KCNN2: variants seen among roughly 807,000 people sequenced by gnomAD.
KCNN2 encodes potassium calcium-activated channel subfamily N member 2, also known as small conductance calcium-activated potassium channel protein 2.
KCNN2 carries 24 observed loss-of-function variants against 55.5 expected under a neutral mutation model. The observed-to-expected ratio is 0.43, with a 90% confidence interval of 0.31 to 0.61. The LOEUF (loss-of-function observed/expected upper bound fraction) is 0.61. KCNN2 is among the 20% of genes least tolerant of loss of function. The pLI is 0.08. For synonymous variants in KCNN2, 431 were observed against 336.1 expected (o/e 1.28, Z -3.09); for missense variants, 754 against 853.6 (o/e 0.88, Z 1.45).
At chr5:114,352,203 A>G (rs1580740363) in intron 2 of KCNN2, among the ~76,000 whole-genome samples, 1 of 151,612 alleles carries the variant, frequency 6.6e-6, no homozygotes, top group Non-Finnish European at 1.5e-5. Context: ...ATTTGTTGGC[A>G]TATACTTGTT....
intron 2 of KCNN2, among the ~76,000 whole-genome samples, chr5:114,333,245 C>T (rs1580728014): frequency 6.6e-6 from 1 of 152,160 alleles, no homozygotes; most frequent in East Asian, 1.9e-4. Flanking sequence ...AAACCTGCCA[C>T]CAAATGAAAA....
intron 1 of KCNN2, among the ~76,000 whole-genome samples, chr5:114,206,249 T>A (rs1345124866): frequency 6.6e-6 from 1 of 152,218 alleles, no homozygotes; most frequent in East Asian, 1.9e-4. Context: ...ACTTCAGCTA[T>A]CATTTCCAAA....
exon 1 of KCNN2, chr5:114,056,275 C>A: frequency 5.0e-6 from 2 of 397,970 alleles, no homozygotes; most frequent in South Asian, 1.3e-4. Context: ...GGGCGCTCTC[C>A]CGGGCCGCAA....
intron 2 of KCNN2, among the ~76,000 whole-genome samples, chr5:114,272,461 T>C (rs1755371307): frequency 1.3e-4 from 1 of 7,872 alleles, no homozygotes; most frequent in African/African-American, 1.6e-4. Context: ...TGTATGTACA[T>C]ATCATACACA....
intron 1 of KCNN2, among the ~76,000 whole-genome samples, chr5:114,090,394 T>C (rs528700578): frequency 6.6e-6 from 1 of 152,240 alleles, no homozygotes; most frequent in South Asian, 2.1e-4. Context: ...GAAAAGTGGT[T>C]TATTTCTTTG....
chr5:114,162,402 G>A (rs1561503614), intron 1 of KCNN2, among the ~76,000 whole-genome samples: 1 of 152,200 alleles, frequency 6.6e-6, no homozygotes, highest in African/African-American at 2.4e-5. Flanking sequence ...TGAGGTGTCA[G>A]TCCGCCCCTA....
At chr5:114,252,786 TGTGAGA>T (rs1453054649) in intron 2 of KCNN2, among the ~76,000 whole-genome samples, 63 of 146,662 alleles carry the variant, frequency 4.3e-4, no homozygotes, top group Non-Finnish European at 4.7e-4. Context: ...TGTGTGTGTG[TGTGAGA>T]GAGAGAGAGA....
intron 1 of KCNN2, among the ~76,000 whole-genome samples, chr5:114,180,723 C>G (rs541028961): frequency 6.6e-5 from 10 of 152,190 alleles, no homozygotes; most frequent in Non-Finnish European, 1.3e-4. Flanking sequence ...TCAAACCACC[C>G]AAACCCCTAA....
intron 2 of KCNN2, among the ~76,000 whole-genome samples, chr5:114,368,084 C>T (rs1053468717): frequency 3.9e-5 from 6 of 151,980 alleles, no homozygotes; most frequent in African/African-American, 1.5e-4. Flanking sequence ...GTGGGCCCTC[C>T]ATATCCATGG....
rs113851081 is a variant in KCNN2 at position 114,092,250 on chromosome 5, C to T, written c.-271+35750C>T. Among the ~76,000 whole-genome samples, 32 of 152,308 alleles carry T rather than the reference C, an allele frequency of 2.1e-4. 1 individual carries two copies. Among genetic ancestry groups the T allele is most frequent in the African/African-American group, 7.7e-4 (32 of 41,576 alleles). Reference sequence around the variant, plus strand: ...GGTCCCATGAAAGTCTAAAATCTGGCTGGGTAGTCATTAAATCTTAAAGTT... The same window carrying T: ...GGTCCCATGAAAGTCTAAAATCTGGTTGGGTAGTCATTAAATCTTAAAGTT... On this transcript the variant is annotated intron_variant, in intron 1 of 10. Transcript: ENST00000512097.
chr5:114,165,799 T>A (rs980461159), intron 1 of KCNN2, among the ~76,000 whole-genome samples: 2 of 152,166 alleles, frequency 1.3e-5, no homozygotes, highest in Admixed American at 1.3e-4. Context: ...TTTATGGCAT[T>A]GGTACGCCTT....
At chr5:114,227,996 ATGATGATGATGATGATG>A (rs1754273789) in intron 2 of KCNN2, among the ~76,000 whole-genome samples, 1 of 3,212 alleles carries the variant, frequency 3.1e-4, no homozygotes, top group Non-Finnish European at 5.3e-4. Flanking sequence ...GATGATGACG[ATGATGATGATGATGATG>A]ATGATGATGA....
chr5:114,261,558 C>G (rs1470281107), intron 2 of KCNN2, among the ~76,000 whole-genome samples: 1 of 152,158 alleles, frequency 6.6e-6, no homozygotes, highest in East Asian at 1.9e-4. Context: ...CTTAAGGGAA[C>G]AGGATATATG....
At chr5:114,165,453 A>G (rs1195003832) in intron 1 of KCNN2, among the ~76,000 whole-genome samples, 1 of 152,202 alleles carries the variant, frequency 6.6e-6, no homozygotes, top group Non-Finnish European at 1.5e-5. Flanking sequence ...CAGTTGTGAA[A>G]CAATAAATTG....
chr5:114,138,690 A>C (rs1752217447), intron 1 of KCNN2, among the ~76,000 whole-genome samples: 1 of 152,218 alleles, frequency 6.6e-6, no homozygotes, highest in South Asian at 2.1e-4. Flanking sequence ...AGAAACTTTA[A>C]GAAATGCAGA....
At chr5:114,318,261 C>T (rs1756541379) in intron 2 of KCNN2, among the ~76,000 whole-genome samples, 1 of 152,070 alleles carries the variant, frequency 6.6e-6, no homozygotes, top group Non-Finnish European at 1.5e-5. Flanking sequence ...CTCTAAGTGC[C>T]CTACCTTCAG....
chr5:114,092,212 C>T lies in KCNN2; in HGVS notation c.-271+35712C>T, dbSNP rs563119904. Among the ~76,000 whole-genome samples the T allele has an allele frequency of 5.3e-5, 8 of 152,272 alleles. No individual in the cohort carries two copies. In the South Asian group the frequency reaches 1.2e-3, roughly 24 times the overall value. ...TTCAGATTGGAGAAATTAGCCTTAA[C>T]AAAGGGGCTACAGGTCCCATGAAAG... On this transcript the variant is annotated intron_variant, in intron 1 of 10. Coordinates refer to the KCNN2 transcript ENST00000512097.
At chr5:114,162,669 C>G (rs1752813936) in intron 1 of KCNN2, among the ~76,000 whole-genome samples, 1 of 152,190 alleles carries the variant, frequency 6.6e-6, no homozygotes, top group South Asian at 2.1e-4. Flanking sequence ...GCTTCCTGGT[C>G]ACTTTGTTTA....
intron 3 of KCNN2, among the ~76,000 whole-genome samples, chr5:114,437,378 T>C (rs1164302913): frequency 6.6e-6 from 1 of 152,058 alleles, no homozygotes; most frequent in Non-Finnish European, 1.5e-5. Flanking sequence ...GCAAGTGTTA[T>C]TTATTGACAT....
Sources: allele counts gnomAD v4.1 joint callset (sites outside exome capture counted in the v4.1 genomes callset), GRCh38; gene constraint gnomAD v4.1.1; transcripts MANE v1.5; gene names NCBI Gene and HGNC (gene_info 2026-07-23, HGNC 2026-07-21).